RAB3GAP2: variants seen among roughly 807,000 people sequenced by gnomAD.
RAB3GAP2 encodes rab3 GTPase-activating protein non-catalytic subunit.
A neutral mutation model predicts 185.3 loss-of-function variants in RAB3GAP2; 87 were observed. The ratio of observed to expected loss-of-function variants is 0.47; its 90% CI spans 0.39 to 0.56. RAB3GAP2 has a LOEUF of 0.56. RAB3GAP2 is among the 20% of genes least tolerant of loss of function. RAB3GAP2 has a pLI of 0.00. For missense variants in RAB3GAP2, 1,492 were observed against 1,638.2 expected (o/e 0.91, Z 1.54); for synonymous variants, 554 against 576.1 (o/e 0.96, Z 0.55).
intron 1 of RAB3GAP2, among the ~76,000 whole-genome samples, chr1:220,249,679 G>A (rs918991968): frequency 7.8e-4 from 119 of 152,220 alleles, no homozygotes; most frequent in African/African-American, 2.6e-3. Context: ...TCACAGGCCC[G>A]GAGGCCTAGG....
chr1:220,217,937 C>G (rs182721189), intron 2 of RAB3GAP2, among the ~76,000 whole-genome samples: 2 of 152,156 alleles, frequency 1.3e-5, no homozygotes, highest in Non-Finnish European at 2.9e-5. Flanking sequence ...GCTACCCCAA[C>G]AAATGGACTA....
chr1:220,244,340 C>T (rs1412383606), intron 1 of RAB3GAP2, among the ~76,000 whole-genome samples: 1 of 152,130 alleles, frequency 6.6e-6, no homozygotes, highest in Non-Finnish European at 1.5e-5. Context: ...TAGGAATATA[C>T]TTAACCAAGA....
At chr1:220,232,769 A>T in intron 2 of RAB3GAP2, 30 bp downstream of exon 2, 1 of 1,579,458 alleles carries the variant, frequency 6.3e-7, no homozygotes, top group Non-Finnish European at 8.7e-7. Context: ...GCCACTATCA[A>T]AAAACATGCA....
At chr1:220,172,576 C>A in intron 22 of RAB3GAP2, 61 bp downstream of exon 22, 2 of 1,132,072 alleles carry the variant, frequency 1.8e-6, no homozygotes, top group South Asian at 2.5e-5. Context: ...TCCACTCTCC[C>A]ATCTTTTTGT....
At position 220,196,281 on chromosome 1, in the gene RAB3GAP2, T is replaced by A. The variant is rs772115247; in HGVS notation, c.929A>T (p.Asn310Ile). 1.2e-6 allele frequency: 2 copies of A among 1,613,428 alleles called. No homozygotes were observed. The highest frequency in any genetic ancestry group is 4.5e-5 in the East Asian group (2 of 44,832). The change falls in exon 10 of 35, where the codon AAT becomes ATT. Residue 310 changes from asparagine to isoleucine, a missense_variant. Physicochemically the swap from Asn to Ile is moderately radical, Grantham distance 149. Around this residue, in one of 5 missense-constraint regions of RAB3GAP2, gnomAD observed 243 missense variants for 314.8 expected, o/e 0.77. Coordinates refer to ENST00000358951, the MANE Select transcript of RAB3GAP2 (RefSeq NM_012414.4). ...AGCATAGAAGAAGCCAGTAAATGGA[T>A]TGGACCCTACAGTGATATACTGAGA... The part of the protein sequence containing the change: ...AMSQYITVGS[N>I]PFTGFFYALE...
At chr1:220,166,737 A>T (rs1658075579) in intron 26 of RAB3GAP2, among the ~76,000 whole-genome samples, 1 of 152,226 alleles carries the variant, frequency 6.6e-6, no homozygotes, top group Admixed American at 6.5e-5. Flanking sequence ...CTTGGACTAC[A>T]GTCAACCCTG....
chr1:220,191,643 A>G lies in RAB3GAP2; in HGVS notation c.1271-359T>C, dbSNP rs536318360. On this transcript the variant is annotated intron_variant, in intron 13 of 34. Transcript: ENST00000358951. ...AGACCAGCCTGACCAACGTGGTAAG[A>G]CCCTGTCTCTACTAAATACAAAAAA... Among the ~76,000 whole-genome samples, 88 of 152,002 alleles carry G rather than the reference A, an allele frequency of 5.8e-4. 1 individual carries two copies. The Middle Eastern group carries it at 0.01, about 18-fold the overall frequency.
intron 9 of RAB3GAP2, among the ~76,000 whole-genome samples, chr1:220,197,138 C>T (rs1331969733): frequency 1.3e-5 from 2 of 151,938 alleles, no homozygotes; most frequent in Non-Finnish European, 2.9e-5. Context: ...CAGACGCGCA[C>T]CACCATGCCC....
chr1:220,226,435 A>G (rs920454431), intron 2 of RAB3GAP2, among the ~76,000 whole-genome samples: 9 of 151,892 alleles, frequency 5.9e-5, no homozygotes, highest in African/African-American at 1.9e-4. Context: ...ATACTCTTAA[A>G]AAAAAAAAAA....
intron 1 of RAB3GAP2, among the ~76,000 whole-genome samples, chr1:220,240,043 T>C (rs928001122): frequency 6.6e-6 from 1 of 150,682 alleles, no homozygotes; most frequent in Admixed American, 6.6e-5. Flanking sequence ...TAGTCTATTA[T>C]GCAAATATTC....
chr1:220,166,591 C>T (rs564351836), intron 26 of RAB3GAP2, among the ~76,000 whole-genome samples: 1 of 152,366 alleles, frequency 6.6e-6, no homozygotes, highest in East Asian at 1.9e-4. Flanking sequence ...ATCCAAATCA[C>T]TGCCTTCTGC....
At chr1:220,238,829 G>A (rs995208680) in intron 1 of RAB3GAP2, among the ~76,000 whole-genome samples, 1 of 152,156 alleles carries the variant, frequency 6.6e-6, no homozygotes, top group Non-Finnish European at 1.5e-5. Flanking sequence ...ATTATATACT[G>A]TTTTGGGTCA....
At chr1:220,248,659 G>A (rs1029137216) in intron 1 of RAB3GAP2, among the ~76,000 whole-genome samples, 5 of 150,418 alleles carry the variant, frequency 3.3e-5, no homozygotes, top group Admixed American at 3.3e-4. Context: ...GAAGAAAAAT[G>A]TATAAGAATA....
chr1:220,194,098 A>C lies in RAB3GAP2; in HGVS notation c.1131-719T>G, dbSNP rs144984873. 5.5e-4 allele frequency among the ~76,000 whole-genome samples: 84 copies of C among 152,292 alleles called. No homozygotes were observed. In the Middle Eastern group the frequency reaches 0.01, roughly 19 times the overall value. ...AAGCTATACTTCGATAAATTTTAAT[A>C]ATTAGTTGGCTCTTCTTAGGTGAAG... On this transcript the variant is annotated intron_variant, in intron 12 of 34. Coordinates refer to ENST00000358951, the MANE Select transcript of RAB3GAP2 (RefSeq NM_012414.4).
At chr1:220,205,770 T>C in intron 8 of RAB3GAP2, 137 bp downstream of exon 8, 1 of 677,924 alleles carries the variant, frequency 1.5e-6, no homozygotes, top group Non-Finnish European at 2.6e-6. Flanking sequence ...CCCCTTTCTC[T>C]ACAGAAGGCA....
chr1:220,261,935 G>A lies in RAB3GAP2; in HGVS notation c.115+10288C>T, dbSNP rs570885397. On this transcript the variant is annotated intron_variant, in intron 1 of 34. Transcript: ENST00000358951. ...ACTTTCCATCATAAGCAGCTTTGTC[G>A]CGTTTTTAAATAATCTATTTATTAT... 2.6e-4 allele frequency among the ~76,000 whole-genome samples: 39 copies of A among 151,906 alleles called. No homozygotes were observed. In the South Asian group the frequency reaches 5.6e-3, roughly 22 times the overall value.
At chr1:220,246,248 A>G (rs1014165842) in intron 1 of RAB3GAP2, among the ~76,000 whole-genome samples, 9 of 152,224 alleles carry the variant, frequency 5.9e-5, no homozygotes, top group African/African-American at 2.2e-4. Flanking sequence ...TTAGAACGGC[A>G]ATCATTAAAA....
At position 220,182,916 on chromosome 1, in the gene RAB3GAP2, G is replaced by C. The variant is rs1558147452; in HGVS notation, c.2014C>G (p.Leu672Val). The part of the protein sequence containing the change: ...PFSDNDLALL[L>V]RLDEKELLKL... ...AGCAGTTCTTTTTCATCAAGCCTTA[G>C]TAACAGAGCCAAGTCCTTTAAAACA... Residue 672 changes from leucine to valine, a missense_variant, in exon 20 of 35, where the codon CTA (leucine) becomes GTA (valine). By Grantham distance (32) the Leu-to-Val change is conservative. Coordinates refer to ENST00000358951, the MANE Select transcript of RAB3GAP2 (RefSeq NM_012414.4). The C allele has an allele frequency of 6.2e-7, 1 of 1,612,158 alleles. No homozygotes were observed. Among genetic ancestry groups the C allele is most frequent in the Non-Finnish European group, 8.5e-7 (1 of 1,178,762 alleles).
chr1:220,248,531 GT>G (rs1427624228), intron 1 of RAB3GAP2, among the ~76,000 whole-genome samples: 1 of 151,932 alleles, frequency 6.6e-6, no homozygotes, highest in Non-Finnish European at 1.5e-5. Context: ...TAGACCTAGA[GT>G]TTGGGAAAAT....
Sources: gnomAD v4.1 joint callset for allele counts (sites outside exome capture counted in the v4.1 genomes callset) on GRCh38, gnomAD v4.1.1 for gene constraint, gnomAD v4.1.1 regional missense constraint, MANE v1.5 for transcripts, NCBI Gene and HGNC (gene_info 2026-07-23, HGNC 2026-07-21) for gene names.